Variants in GPR63 observed in about 807,000 individuals in gnomAD.
GPR63 encodes probable G protein-coupled receptor 63.
Under a neutral mutation model 23.1 loss-of-function variants are expected in GPR63, and 12 were observed. The ratio of observed to expected loss-of-function variants is 0.52; its 90% CI spans 0.33 to 0.84. The LOEUF is 0.84. Ranked by LOEUF, GPR63 falls within the 40% of genes least tolerant of loss-of-function variation. The pLI, the probability that GPR63 is intolerant of heterozygous loss-of-function variation, is 0.02. For missense variants in GPR63, 472 were observed against 515.6 expected (o/e 0.92, Z 0.82); for synonymous variants, 172 against 191.1 (o/e 0.90, Z 0.82).
At chr6:96,817,013 G>C (rs1774181453) in intron 1 of GPR63, among the ~76,000 whole-genome samples, 1 of 152,124 alleles carries the variant, frequency 6.6e-6, no homozygotes, top group Non-Finnish European at 1.5e-5. Context: ...TGGCTATAAA[G>C]AGTGATAAAC....
chr6:96,822,771 A>G (rs1427990662), intron 1 of GPR63, among the ~76,000 whole-genome samples: 1 of 152,202 alleles, frequency 6.6e-6, no homozygotes, highest in Non-Finnish European at 1.5e-5. Context: ...CACACTAAAT[A>G]CATGGTAACT....
In GPR63 at chr6:96,797,361, T is replaced by A. The variant is rs1773616731; in HGVS notation, c.*1111A>T. On this transcript the variant is annotated 3_prime_UTR_variant, in exon 2 of 2. Transcript: ENST00000229955. ...AAAAAGAATATCATAGTCTAAAAAA[T>A]TAAAGGATGCATAGAGTTCCCTCTT... The A allele has an allele frequency of 6.6e-6, 1 of 152,164 alleles. No individual in the cohort carries two copies. Among genetic ancestry groups the A allele is most frequent in the South Asian group, 2.1e-4 (1 of 4,834 alleles). The allele number at this position is 152,164 out of a possible 1,614,324, so 9.4% of individuals were successfully genotyped here.
chr6:96,800,552 T>G (rs1172507277), intron 1 of GPR63, among the ~76,000 whole-genome samples: 2 of 152,186 alleles, frequency 1.3e-5, no homozygotes, highest in Non-Finnish European at 2.9e-5. Context: ...TTAATTTCTT[T>G]CCAGAAGTTC....
chr6:96,806,973 G>A (rs1300348122), intron 1 of GPR63, among the ~76,000 whole-genome samples: 1 of 152,214 alleles, frequency 6.6e-6, no homozygotes, highest in African/African-American at 2.4e-5. Context: ...GCCCCACTTG[G>A]AAGCCCGTAA....
chr6:96,809,142 C>A (rs574533687), intron 1 of GPR63, among the ~76,000 whole-genome samples: 1 of 152,064 alleles, frequency 6.6e-6, no homozygotes, highest in Non-Finnish European at 1.5e-5. Flanking sequence ...AATAAAAGAC[C>A]ATCCTTGGAT....
intron 1 of GPR63, among the ~76,000 whole-genome samples, chr6:96,820,158 C>T (rs1249200614): frequency 1.3e-5 from 2 of 151,972 alleles, no homozygotes; most frequent in East Asian, 1.9e-4. Context: ...TTAATATTTG[C>T]TTTCAATGAT....
In GPR63 at chr6:96,795,605, T is replaced by C. The variant is rs1773560263; in HGVS notation, c.*2867A>G. 1 of 152,170 alleles carries C rather than the reference T, an allele frequency of 6.6e-6. No homozygotes were observed. The highest frequency in any genetic ancestry group is 1.5e-5 in the Non-Finnish European group (1 of 68,042). The allele number at this position is 152,170 out of a possible 1,614,324, so 9.4% of individuals were successfully genotyped here. A position where few individuals can be genotyped will look rare whatever the true frequency, so the allele number is the denominator to read the frequency against. On this transcript the variant is annotated 3_prime_UTR_variant, in exon 2 of 2. Coordinates refer to ENST00000229955, the MANE Select transcript of GPR63 (RefSeq NM_030784.4). ...AATCTTTGTTCACAAACAGGGAGCGTCTCGGCAGGCACTCCAGAGCTCTCA... is the reference window on the plus strand; with the variant it reads ...AATCTTTGTTCACAAACAGGGAGCGCCTCGGCAGGCACTCCAGAGCTCTCA...
chr6:96,826,715 C>G (rs1258264759), intron 1 of GPR63, among the ~76,000 whole-genome samples: 1 of 151,974 alleles, frequency 6.6e-6, no homozygotes, highest in Non-Finnish European at 1.5e-5. Flanking sequence ...CAACCAGGGA[C>G]TTCATGGGGC....
chr6:96,817,842 G>A (rs937097253), intron 1 of GPR63, among the ~76,000 whole-genome samples: 7 of 151,570 alleles, frequency 4.6e-5, no homozygotes, highest in African/African-American at 7.3e-5. Flanking sequence ...TAGGAGTTAT[G>A]ACTGGGAAAG....
chr6:96,813,035 C>G (rs1774081223), intron 1 of GPR63, among the ~76,000 whole-genome samples: 1 of 152,102 alleles, frequency 6.6e-6, no homozygotes, highest in African/African-American at 2.4e-5. Flanking sequence ...TGATATCTAT[C>G]ATTCTATTCT....
rs1280044072 is a variant in GPR63, at chr6:96,796,635, T to C, written c.*1837A>G. On this transcript the variant is annotated 3_prime_UTR_variant, in exon 2 of 2. Coordinates refer to ENST00000229955, the MANE Select transcript of GPR63 (RefSeq NM_030784.4). ...TTCTAGGCTCAGACGAGGGTTCATT[T>C]TCCCTTCTTTGTAGGAGACACACAT... 1 of 152,314 alleles carries C rather than the reference T, an allele frequency of 6.6e-6. No homozygotes were observed. Among genetic ancestry groups the C allele is most frequent in the East Asian group, 1.9e-4 (1 of 5,164 alleles). The allele number at this position is 152,314 out of a possible 1,614,324, so 9.4% of individuals were successfully genotyped here.
At chr6:96,831,352 G>A (rs891562934) in intron 1 of GPR63, among the ~76,000 whole-genome samples, 1 of 149,678 alleles carries the variant, frequency 6.7e-6, no homozygotes, top group Non-Finnish European at 1.5e-5. Context: ...ATAAAATGGG[G>A]TTATTTCATT....
chr6:96,816,121 T>TA (rs1348686302), intron 1 of GPR63, among the ~76,000 whole-genome samples: 4 of 152,190 alleles, frequency 2.6e-5, no homozygotes, highest in Non-Finnish European at 5.9e-5. Flanking sequence ...TATTACACAT[T>TA]AAAAATTCTT....
chr6:96,826,326 A>G (rs1774437717), intron 1 of GPR63, among the ~76,000 whole-genome samples: 1 of 152,178 alleles, frequency 6.6e-6, no homozygotes, highest in Admixed American at 6.5e-5. Context: ...TCTAAAAAAT[A>G]AAATACAAAA....
At chr6:96,831,425 T>C (rs1774576856) in intron 1 of GPR63, among the ~76,000 whole-genome samples, 1 of 148,538 alleles carries the variant, frequency 6.7e-6, no homozygotes, top group African/African-American at 2.5e-5. Context: ...TCTTTCATAT[T>C]ACACTTACCA....
Position 96,799,675 on chromosome 6 carries a change from A to T in GPR63, c.57T>A (p.Phe19Leu). 1 of 1,614,188 alleles carries T rather than the reference A, an allele frequency of 6.2e-7. No homozygotes were observed. Among genetic ancestry groups the T allele is most frequent in the Non-Finnish European group, 8.5e-7 (1 of 1,180,024 alleles). ...AFHTGTSNTT[F>L]VVYENTYMNI... ...TCATGTAGGTGTTTTCATACACGACAAATGTTGTGTTGGATGTCCCGGTAT... is the reference window on the plus strand; with the variant it reads ...TCATGTAGGTGTTTTCATACACGACTAATGTTGTGTTGGATGTCCCGGTAT... Residue 19 changes from phenylalanine (F) to leucine (L), a missense_variant, in exon 2 of 2, where the codon TTT becomes TTA. Coordinates refer to ENST00000229955, the MANE Select transcript of GPR63 (RefSeq NM_030784.4).
At chr6:96,831,734 C>T (rs1774586757) in intron 1 of GPR63, among the ~76,000 whole-genome samples, 1 of 151,656 alleles carries the variant, frequency 6.6e-6, no homozygotes, top group Non-Finnish European at 1.5e-5. Context: ...TGGTGAAACC[C>T]CCATCTACGA....
At chr6:96,814,528 C>T (rs1188916484) in intron 1 of GPR63, among the ~76,000 whole-genome samples, 2 of 152,092 alleles carry the variant, frequency 1.3e-5, no homozygotes, top group African/African-American at 2.4e-5. Context: ...CAATGTGCTG[C>T]CAATCACACA....
At chr6:96,815,264 C>T (rs1774135111) in intron 1 of GPR63, among the ~76,000 whole-genome samples, 2 of 152,112 alleles carry the variant, frequency 1.3e-5, no homozygotes, top group South Asian at 2.1e-4. Context: ...TCTGATACAT[C>T]ACAAAGGAGA....
Sources: allele counts gnomAD v4.1 joint callset (sites outside exome capture counted in the v4.1 genomes callset), GRCh38; gene constraint gnomAD v4.1.1; transcripts MANE v1.5; gene names NCBI Gene and HGNC (gene_info 2026-07-23, HGNC 2026-07-21).